The following TAFA1 variants were observed in gnomAD, a reference collection of about 807,000 sequenced individuals.
The protein encoded by TAFA1 is TAFA chemokine like family member 1.
TAFA1 carries 4 observed loss-of-function variants against 18.5 expected under a neutral mutation model. The observed-to-expected ratio is 0.22, with a 90% confidence interval of 0.11 to 0.49. The LOEUF (loss-of-function observed/expected upper bound fraction) is 0.49. Among genes scored for constraint, TAFA1 ranks in the 20% least tolerant of loss-of-function variants. TAFA1 has a pLI of 0.98. For missense variants in TAFA1, 147 were observed against 169.0 expected, an observed-to-expected ratio of 0.87 and a Z score of 0.72; for synonymous variants, 56 against 55.2, an observed-to-expected ratio of 1.01 and a Z score of -0.06.
intron 2 of TAFA1, among the ~76,000 whole-genome samples, chr3:68,037,835 G>T (rs1456048515): frequency 6.6e-6 from 1 of 152,148 alleles, no homozygotes; most frequent in Non-Finnish European, 1.5e-5. Flanking sequence ...CTTTTGGCCA[G>T]ACAGGACAAC....
chr3:68,101,463 G>A (rs1196241620), intron 2 of TAFA1, among the ~76,000 whole-genome samples: 2 of 151,982 alleles, frequency 1.3e-5, no homozygotes, highest in African/African-American at 4.8e-5. Flanking sequence ...ACTGGATTAA[G>A]AAAATGTGGC....
the TAFA1 span, among the ~76,000 whole-genome samples, chr3:67,992,197 T>C: frequency 1.3e-5 from 2 of 152,222 alleles, no homozygotes; most frequent in African/African-American, 2.4e-5. Context: ...CCTGGGATCT[T>C]GGCTGTTTAC....
At chr3:68,324,687 A>C (rs1308214003) in intron 2 of TAFA1, among the ~76,000 whole-genome samples, 1 of 152,232 alleles carries the variant, frequency 6.6e-6, no homozygotes, top group African/African-American at 2.4e-5. Flanking sequence ...GCTAAGAATT[A>C]AACCTAAATC....
intron 3 of TAFA1, among the ~76,000 whole-genome samples, chr3:68,508,825 G>A (rs115847627): frequency 6.6e-6 from 1 of 152,040 alleles, no homozygotes; most frequent in Non-Finnish European, 1.5e-5. Flanking sequence ...AAGTGGTATA[G>A]ATAGAGTTCA....
At chr3:68,268,515 T>G (rs981170857) in intron 2 of TAFA1, among the ~76,000 whole-genome samples, 1 of 152,048 alleles carries the variant, frequency 6.6e-6, no homozygotes, top group African/African-American at 2.4e-5. Context: ...TTTTGATGGG[T>G]ATTATCATCA....
At chr3:68,527,631 T>G (rs987000564) in intron 3 of TAFA1, among the ~76,000 whole-genome samples, 1 of 152,174 alleles carries the variant, frequency 6.6e-6, no homozygotes, top group African/African-American at 2.4e-5. Flanking sequence ...TGTATCTTTT[T>G]ATGCATCACA....
chr3:68,357,909 G>C (rs2069395975), intron 2 of TAFA1, among the ~76,000 whole-genome samples: 1 of 151,878 alleles, frequency 6.6e-6, no homozygotes, highest in Non-Finnish European at 1.5e-5. Flanking sequence ...TTTAAGAGGT[G>C]ATAGAATAAT....
At chr3:68,053,686 G>C (rs2106708572) in intron 2 of TAFA1, among the ~76,000 whole-genome samples, 1 of 152,118 alleles carries the variant, frequency 6.6e-6, no homozygotes, top group African/African-American at 2.4e-5. Context: ...TCGGTTCCTT[G>C]GAAAATAATT....
intron 2 of TAFA1, among the ~76,000 whole-genome samples, chr3:68,086,447 T>TTG (rs1575609291): frequency 6.6e-6 from 1 of 152,224 alleles, no homozygotes; most frequent in African/African-American, 2.4e-5. Context: ...TATGTCTCAA[T>TTG]TGTCTGAGTT....
chr3:68,390,990 A>G (rs1369680655), intron 2 of TAFA1, among the ~76,000 whole-genome samples: 7 of 152,154 alleles, frequency 4.6e-5, no homozygotes. Context: ...CAAGGGAACA[A>G]AACTGGACTG....
intron 2 of TAFA1, among the ~76,000 whole-genome samples, chr3:68,078,930 C>A (rs1223726703): frequency 6.6e-6 from 1 of 152,178 alleles, no homozygotes; most frequent in Non-Finnish European, 1.5e-5. Context: ...GGCTGTGAAT[C>A]CATCTGGTCC....
At chr3:68,139,341 T>C (rs1262478958) in intron 2 of TAFA1, among the ~76,000 whole-genome samples, 1 of 152,132 alleles carries the variant, frequency 6.6e-6, no homozygotes, top group African/African-American at 2.4e-5. Context: ...GTTTCAATAA[T>C]ATGTAGGAAT....
chr3:68,186,409 T>A (rs1301558502), intron 2 of TAFA1, among the ~76,000 whole-genome samples: 1 of 152,050 alleles, frequency 6.6e-6, no homozygotes, highest in Non-Finnish European at 1.5e-5. Context: ...CAATGTGATG[T>A]TGTACTCCAA....
intron 2 of TAFA1, among the ~76,000 whole-genome samples, chr3:68,374,478 C>T (rs878888426): frequency 1.3e-5 from 2 of 152,108 alleles, no homozygotes; most frequent in Admixed American, 1.3e-4. Context: ...CTTCTGTGTA[C>T]AATCAAATGC....
chr3:68,538,092 G>A (rs544923765), intron 3 of TAFA1, among the ~76,000 whole-genome samples: 102 of 152,240 alleles, frequency 6.7e-4, no homozygotes, highest in African/African-American at 2.3e-3. Flanking sequence ...CTCCAGGTGG[G>A]GGCCACAGGA....
intron 2 of TAFA1, among the ~76,000 whole-genome samples, chr3:68,393,013 G>A (rs1410055517): frequency 6.6e-6 from 1 of 152,026 alleles, no homozygotes; most frequent in African/African-American, 2.4e-5. Context: ...GATCAGAACA[G>A]AACTGAAGGA....
chr3:68,127,996 A>G (rs1167375594), intron 2 of TAFA1, among the ~76,000 whole-genome samples: 1 of 149,186 alleles, frequency 6.7e-6, no homozygotes, highest in African/African-American at 2.6e-5. Flanking sequence ...GGTATTGGTA[A>G]TAATAATGAT....
intron 2 of TAFA1, among the ~76,000 whole-genome samples, chr3:68,071,359 C>T (rs983426158): frequency 2.6e-5 from 4 of 152,164 alleles, no homozygotes; most frequent in Non-Finnish European, 5.9e-5. Context: ...GACCTGCCCC[C>T]GTGATTCAAC....
At chr3:68,042,700 A>G (rs1420028894) in intron 2 of TAFA1, among the ~76,000 whole-genome samples, 1 of 152,190 alleles carries the variant, frequency 6.6e-6, no homozygotes, top group Non-Finnish European at 1.5e-5. Context: ...AGCACCAACT[A>G]TAGCTGTGCA....
Sources: gnomAD v4.1 joint callset for allele counts (sites outside exome capture counted in the v4.1 genomes callset) on GRCh38, gnomAD v4.1.1 for gene constraint, MANE v1.5 for transcripts, NCBI Gene and HGNC (gene_info 2026-07-23, HGNC 2026-07-21) for gene names.